Variants in FHIT observed in about 807,000 individuals in gnomAD.
FHIT encodes the protein fragile histidine triad diadenosine triphosphatase.
FHIT carries 19 observed loss-of-function variants against 17.9 expected under a neutral mutation model. That is an observed-to-expected ratio of 1.06 (90% CI 0.74 to 1.56). The LOEUF is 1.56. Among genes scored for constraint, FHIT ranks in the 40% most tolerant of loss-of-function variants. The pLI is 0.00. For synonymous variants in FHIT, 81 were observed against 69.7 expected, an observed-to-expected ratio of 1.16 and a Z score of -0.81; for missense variants, 248 against 189.2, an observed-to-expected ratio of 1.31 and a Z score of -1.82.
chr3:60,028,337 C>A (rs1700842059), intron 5 of FHIT, among the ~76,000 whole-genome samples: 1 of 152,212 alleles, frequency 6.6e-6, no homozygotes, highest in Non-Finnish European at 1.5e-5. Context: ...TACCATGTCA[C>A]ATTAACTCTG....
At chr3:60,413,605 G>A (rs1559893429) in intron 5 of FHIT, among the ~76,000 whole-genome samples, 2 of 152,142 alleles carry the variant, frequency 1.3e-5, no homozygotes, top group African/African-American at 2.4e-5. Context: ...TAAAGGCATT[G>A]CCATTGGATT....
intron 2 of FHIT, among the ~76,000 whole-genome samples, chr3:61,108,155 A>C (rs1474656503): frequency 1.3e-5 from 2 of 152,262 alleles, no homozygotes; most frequent in East Asian, 3.9e-4. Context: ...GGCCATTCAT[A>C]TCTCTTCTTT....
chr3:61,010,750 A>G (rs2031742820), intron 3 of FHIT, among the ~76,000 whole-genome samples: 1 of 152,226 alleles, frequency 6.6e-6, no homozygotes, highest in South Asian at 2.1e-4. Context: ...GCTAAACTGC[A>G]CACAAAATAA....
chr3:61,220,741 C>T (rs1244632584), intron 1 of FHIT, among the ~76,000 whole-genome samples: 1 of 152,180 alleles, frequency 6.6e-6, no homozygotes, highest in Non-Finnish European at 1.5e-5. Flanking sequence ...TAAGTTTTCA[C>T]TATTACTAGG....
chr3:60,395,881 T>C (rs1701420297), intron 5 of FHIT, among the ~76,000 whole-genome samples: 1 of 152,124 alleles, frequency 6.6e-6, no homozygotes, highest in Non-Finnish European at 1.5e-5. Flanking sequence ...GTTATTAACT[T>C]TTTCTTGGAA....
At chr3:60,217,704 C>A (rs1703761166) in intron 5 of FHIT, among the ~76,000 whole-genome samples, 2 of 152,174 alleles carry the variant, frequency 1.3e-5, no homozygotes, top group South Asian at 2.1e-4. Flanking sequence ...TCAAACCACA[C>A]TGGCCTTCCC....
At chr3:60,319,636 G>T (rs1709327080) in intron 5 of FHIT, among the ~76,000 whole-genome samples, 1 of 152,116 alleles carries the variant, frequency 6.6e-6, no homozygotes, top group South Asian at 2.1e-4. Flanking sequence ...TGAGCACATA[G>T]AAGTCCGTGA....
rs534694167 is a variant in FHIT, at chr3:60,831,485, A to G, written c.-110-9474T>C. ...CCCTGACTTTAGAAATGTAGACTCT[A>G]AAAGGATGAATAAAAACTAACCAAT... On this transcript the variant is annotated intron_variant, in intron 3 of 9. Transcript: ENST00000492590. 2.0e-5 allele frequency among the ~76,000 whole-genome samples: 3 copies of G among 152,330 alleles called. No individual in the cohort carries two copies. The East Asian group carries it at 5.8e-4, about 29-fold the overall frequency.
chr3:60,455,364 C>G (rs1274346748), intron 5 of FHIT, among the ~76,000 whole-genome samples: 1 of 152,184 alleles, frequency 6.6e-6, no homozygotes, highest in Non-Finnish European at 1.5e-5. Context: ...TGAGCTTCAG[C>G]TCAGCAATCT....
chr3:61,140,372 A>G (rs1166692681), intron 2 of FHIT, among the ~76,000 whole-genome samples: 1 of 152,208 alleles, frequency 6.6e-6, no homozygotes, highest in Non-Finnish European at 1.5e-5. Flanking sequence ...AAGAATACCT[A>G]AGAGTTTGTA....
intron 4 of FHIT, among the ~76,000 whole-genome samples, chr3:60,637,543 T>C (rs11918370): frequency 0.22 from 34,051 of 152,046 alleles, 4,089 homozygotes; most frequent in Admixed American, 0.28. Flanking sequence ...CCATCACTAC[T>C]ACCATTATTG....
chr3:60,857,236 A>G (rs1335924475), intron 3 of FHIT, among the ~76,000 whole-genome samples: 1 of 152,164 alleles, frequency 6.6e-6, no homozygotes, highest in Non-Finnish European at 1.5e-5. Flanking sequence ...TAAAATAATA[A>G]GAATAGAAAA....
chr3:60,315,635 GT>G (rs34615685), intron 5 of FHIT, among the ~76,000 whole-genome samples: 1 of 152,286 alleles, frequency 6.6e-6, no homozygotes, highest in African/African-American at 2.4e-5. Context: ...TAGATGGTAT[GT>G]TTTCATTGCT....
At chr3:60,889,931 AAT>A (rs1447254911) in intron 3 of FHIT, among the ~76,000 whole-genome samples, 4 of 152,168 alleles carry the variant, frequency 2.6e-5, no homozygotes, top group African/African-American at 9.7e-5. Flanking sequence ...GATGTTTAAA[AAT>A]ATGTCTATGT....
At chr3:60,291,224 G>A (rs979939308) in intron 5 of FHIT, among the ~76,000 whole-genome samples, 3 of 152,064 alleles carry the variant, frequency 2.0e-5, no homozygotes, top group African/African-American at 7.2e-5. Flanking sequence ...GAAATACAGG[G>A]GGTTTTATAG....
intron 3 of FHIT, among the ~76,000 whole-genome samples, chr3:61,019,680 A>G (rs991771755): frequency 2.6e-5 from 4 of 152,162 alleles, no homozygotes; most frequent in African/African-American, 9.7e-5. Context: ...GCAAACACAG[A>G]TTCTTTTCTC....
intron 5 of FHIT, among the ~76,000 whole-genome samples, chr3:60,167,429 C>T (rs1247433769): frequency 6.6e-6 from 1 of 152,162 alleles, no homozygotes; most frequent in Non-Finnish European, 1.5e-5. Flanking sequence ...CACACACACA[C>T]ATATTTGCAT....
At chr3:60,332,425 T>A (rs1422562014) in intron 5 of FHIT, among the ~76,000 whole-genome samples, 1 of 152,204 alleles carries the variant, frequency 6.6e-6, no homozygotes, top group Non-Finnish European at 1.5e-5. Context: ...GAGCAGACAG[T>A]ATCATCACAG....
intron 8 of FHIT, among the ~76,000 whole-genome samples, chr3:59,917,550 C>A (rs772421627): frequency 1.3e-5 from 2 of 152,038 alleles, no homozygotes; most frequent in Non-Finnish European, 1.5e-5. Context: ...AATGAAGGGC[C>A]CATTGAGTTC....
Sources: gnomAD v4.1 joint callset for allele counts (sites outside exome capture counted in the v4.1 genomes callset) on GRCh38, gnomAD v4.1.1 for gene constraint, MANE v1.5 for transcripts, NCBI Gene and HGNC (gene_info 2026-07-23, HGNC 2026-07-21) for gene names.